Variants in CRIM1 observed in about 807,000 individuals in gnomAD.
CRIM1 encodes cysteine rich transmembrane BMP regulator 1.
In CRIM1, 32 loss-of-function variants were observed where a neutral mutation model predicts 116.4. The observed-to-expected ratio is 0.27, with a 90% confidence interval of 0.21 to 0.37. The LOEUF (loss-of-function observed/expected upper bound fraction) is 0.37, where lower values mean the gene tolerates loss of function less well. CRIM1 is among the 10% of genes least tolerant of loss of function. The pLI is 1.00. For missense variants in CRIM1, 1,331 were observed against 1,354.8 expected (o/e 0.98, Z 0.28); for synonymous variants, 590 against 509.2 (o/e 1.16, Z -2.13).
At chr2:36,516,830 C>G (rs1212830025) in intron 11 of CRIM1, among the ~76,000 whole-genome samples, 1 of 152,206 alleles carries the variant, frequency 6.6e-6, no homozygotes, top group Non-Finnish European at 1.5e-5. Context: ...CAACCATAGA[C>G]TTGGGTTGCA....
chr2:36,405,404 C>T (rs2148401557), intron 2 of CRIM1, among the ~76,000 whole-genome samples: 1 of 152,328 alleles, frequency 6.6e-6, no homozygotes, highest in African/African-American at 2.4e-5. Context: ...AGCTCTGCCC[C>T]TACCCGCTGT....
At chr2:36,429,902 G>A (rs1674747963) in intron 2 of CRIM1, among the ~76,000 whole-genome samples, 2 of 152,194 alleles carry the variant, frequency 1.3e-5, no homozygotes. Flanking sequence ...GGGAGTCCTG[G>A]GATCAAAAAG....
At chr2:36,468,283 T>G (rs918963840) in intron 5 of CRIM1, among the ~76,000 whole-genome samples, 2 of 152,240 alleles carry the variant, frequency 1.3e-5, no homozygotes, top group African/African-American at 2.4e-5. Flanking sequence ...ACATACAATT[T>G]TAAAATACAC....
At chr2:36,546,475 A>G (rs1667337831) in intron 15 of CRIM1, among the ~76,000 whole-genome samples, 1 of 152,170 alleles carries the variant, frequency 6.6e-6, no homozygotes, top group African/African-American at 2.4e-5. Context: ...GAACCAGAGT[A>G]TCAACCAAAA....
chr2:36,476,068 C>G (rs1262338662), intron 5 of CRIM1, among the ~76,000 whole-genome samples: 1 of 151,484 alleles, frequency 6.6e-6, no homozygotes, highest in Non-Finnish European at 1.5e-5. Flanking sequence ...TATTTTAAAT[C>G]AACTAAAATT....
At chr2:36,363,730 A>G (rs569129534) in intron 1 of CRIM1, among the ~76,000 whole-genome samples, 4 of 152,304 alleles carry the variant, frequency 2.6e-5, no homozygotes, top group African/African-American at 7.2e-5. Flanking sequence ...TATAATCAGC[A>G]GTGTGCACTT....
At chr2:36,546,952 G>GTAAT in intron 15 of CRIM1, 32 bp from the exon 16 acceptor site, 1 of 1,270,050 alleles carries the variant, frequency 7.9e-7, no homozygotes. Context: ...TCTGGTTTAG[G>GTAAT]TAATAAATGC....
At chr2:36,472,754 A>G (rs532811622) in intron 5 of CRIM1, among the ~76,000 whole-genome samples, 1 of 152,226 alleles carries the variant, frequency 6.6e-6, no homozygotes, top group South Asian at 2.1e-4. Context: ...TTGTTAGAGT[A>G]CAGTATTTTG....
At chr2:36,472,142 C>A in intron 5 of CRIM1, among the ~76,000 whole-genome samples, 1 of 152,238 alleles carries the variant, frequency 6.6e-6, no homozygotes, top group East Asian at 1.9e-4. Flanking sequence ...AAAGGCACTT[C>A]TGTGCTTCAT....
chr2:36,385,168 A>G (rs1671086756), intron 1 of CRIM1, among the ~76,000 whole-genome samples: 1 of 151,966 alleles, frequency 6.6e-6, no homozygotes, highest in Non-Finnish European at 1.5e-5. Context: ...ATTAGAGTTA[A>G]TGGCAAGGAT....
At chr2:36,390,432 C>A (rs1211862587) in intron 1 of CRIM1, among the ~76,000 whole-genome samples, 2 of 152,208 alleles carry the variant, frequency 1.3e-5, no homozygotes, top group East Asian at 3.9e-4. Flanking sequence ...GTAGCCCATG[C>A]TTTGCAGCCC....
At chr2:36,405,691 C>T (rs1255170153) in intron 2 of CRIM1, among the ~76,000 whole-genome samples, 1 of 152,186 alleles carries the variant, frequency 6.6e-6, no homozygotes, top group Non-Finnish European at 1.5e-5. Context: ...CAGAGAACAT[C>T]ATATCTTCAA....
chr2:36,506,337 C>T lies in CRIM1; in HGVS notation c.1502-3646C>T, dbSNP rs114634856. Among the ~76,000 whole-genome samples the T allele has an allele frequency of 6.1e-3, 933 of 151,960 alleles. 8 individuals carry two copies. The highest frequency in any genetic ancestry group is 0.019 in the African/African-American group (797 of 41,432). On this transcript the variant is annotated intron_variant, in intron 8 of 16. Transcript: ENST00000280527. ...ATGCAGTCTCCACACAGAGAGTGGC[C>T]CCAACCGAGAACTGGTTTTTATTCC...
intron 15 of CRIM1, among the ~76,000 whole-genome samples, chr2:36,546,749 A>C (rs2125194946): frequency 6.7e-6 from 1 of 148,418 alleles, no homozygotes; most frequent in Middle Eastern, 3.4e-3. Flanking sequence ...CCAATTATTA[A>C]GATTCTCACT....
chr2:36,417,541 G>T (rs901403841), intron 2 of CRIM1, among the ~76,000 whole-genome samples: 1 of 152,052 alleles, frequency 6.6e-6, no homozygotes, highest in African/African-American at 2.4e-5. Context: ...CATTTCAGGG[G>T]TCTGTTATCT....
At chr2:36,487,732 A>G (rs1679935767) in intron 7 of CRIM1, among the ~76,000 whole-genome samples, 1 of 152,304 alleles carries the variant, frequency 6.6e-6, no homozygotes, top group African/African-American at 2.4e-5. Flanking sequence ...GCATAAGAAT[A>G]TAGCCTCTAA....
intron 1 of CRIM1, among the ~76,000 whole-genome samples, chr2:36,358,408 T>C (rs554304048): frequency 3.0e-4 from 45 of 152,342 alleles, no homozygotes; most frequent in African/African-American, 1.1e-3. Flanking sequence ...AACTGCTGTG[T>C]TCCAAGAAGG....
At chr2:36,467,690 C>G (rs1379935017) in intron 5 of CRIM1, among the ~76,000 whole-genome samples, 1 of 152,192 alleles carries the variant, frequency 6.6e-6, no homozygotes, top group Non-Finnish European at 1.5e-5. Flanking sequence ...AGTGAAAAAT[C>G]AAACAGAAAG....
At chr2:36,514,064 C>T (rs188539906) in intron 11 of CRIM1, among the ~76,000 whole-genome samples, 3 of 152,346 alleles carry the variant, frequency 2.0e-5, no homozygotes, top group Admixed American at 6.5e-5. Context: ...GATGTTCTTA[C>T]ATTCCAGCTC....
Sources: gnomAD v4.1 joint callset for allele counts (sites outside exome capture counted in the v4.1 genomes callset) on GRCh38, gnomAD v4.1.1 for gene constraint, MANE v1.5 for transcripts, NCBI Gene and HGNC (gene_info 2026-07-23, HGNC 2026-07-21) for gene names.